The following PHACTR1 variants were observed in gnomAD, a reference collection of about 807,000 sequenced individuals.
PHACTR1 encodes RPEL repeat containing 1.
PHACTR1 carries 16 observed loss-of-function variants against 69.2 expected under a neutral mutation model. The observed-to-expected ratio is 0.23, with a 90% CI of 0.16 to 0.35. The LOEUF (loss-of-function observed/expected upper bound fraction) is 0.35. Ranked by LOEUF, PHACTR1 falls within the 10% of genes least tolerant of loss-of-function variation. PHACTR1 has a pLI of 1.00. For synonymous variants in PHACTR1, 312 were observed against 284.5 expected (o/e 1.10, Z -0.97); for missense variants, 510 against 734.7 (o/e 0.69, Z 3.54).
intron 4 of PHACTR1, among the ~76,000 whole-genome samples, chr6:12,917,159 G>A (rs1455676876): frequency 1.6e-4 from 24 of 152,190 alleles, no homozygotes; most frequent in Admixed American, 1.6e-3. Flanking sequence ...AATCAATGAT[G>A]TTTTCCATGG....
At chr6:13,182,767 T>A (rs1282652832) in intron 7 of PHACTR1, 81 bp downstream of exon 7, 2 of 1,389,042 alleles carry the variant, frequency 1.4e-6, no homozygotes, top group Non-Finnish European at 1.9e-6. Context: ...CTGGCTGGAC[T>A]TGGAATTCTA....
At chr6:12,984,886 A>G (rs1582830568) in intron 4 of PHACTR1, among the ~76,000 whole-genome samples, 1 of 152,252 alleles carries the variant, frequency 6.6e-6, no homozygotes, top group South Asian at 2.1e-4. Flanking sequence ...GGAGATTTTT[A>G]TAGCACATTC....
chr6:13,247,598 G>A (rs1293689994), intron 10 of PHACTR1, among the ~76,000 whole-genome samples: 1 of 152,052 alleles, frequency 6.6e-6, no homozygotes, highest in Non-Finnish European at 1.5e-5. Context: ...CGCCCGCCTT[G>A]GCCTCCCAAA....
chr6:12,728,484 A>G (rs1040870304), intron 3 of PHACTR1, among the ~76,000 whole-genome samples: 3 of 152,188 alleles, frequency 2.0e-5, no homozygotes, highest in African/African-American at 7.2e-5. Flanking sequence ...GCTTAAAAAT[A>G]TCATAGTGTT....
intron 4 of PHACTR1, among the ~76,000 whole-genome samples, chr6:12,902,378 A>T (rs993241885): frequency 1.3e-5 from 2 of 152,184 alleles, no homozygotes; most frequent in African/African-American, 4.8e-5. Flanking sequence ...ACCAGAGAGC[A>T]CACAACTGCA....
intron 4 of PHACTR1, among the ~76,000 whole-genome samples, chr6:12,921,204 C>T (rs1039063249): frequency 8.5e-5 from 13 of 152,190 alleles, no homozygotes; most frequent in Non-Finnish European, 4.4e-5. Context: ...GATCACACAA[C>T]TAGAAAGAAA....
At chr6:13,146,895 G>T (rs1428001679) in intron 5 of PHACTR1, among the ~76,000 whole-genome samples, 1 of 152,108 alleles carries the variant, frequency 6.6e-6, no homozygotes, top group African/African-American at 2.4e-5. Context: ...GTGAATTGTG[G>T]ATCTGAGCAC....
At chr6:12,972,235 T>C (rs976684062) in intron 4 of PHACTR1, among the ~76,000 whole-genome samples, 1 of 152,128 alleles carries the variant, frequency 6.6e-6, no homozygotes, top group Non-Finnish European at 1.5e-5. Context: ...AGAACCAGGA[T>C]TGGAACTCAG....
In PHACTR1 at chr6:13,015,453, A is replaced by G. The variant is rs1582973548; in HGVS notation, c.251-37912A>G. On this transcript the variant is annotated intron_variant, in intron 4 of 14. Transcript: ENST00000332995. ...CATGTGTTGGTTACTACATCAGCTG[A>G]TAACATCGAGACCTATGGAATACAA... Among the ~76,000 whole-genome samples, 4 of 152,312 alleles carry G rather than the reference A, an allele frequency of 2.6e-5. No homozygotes were observed. The South Asian group carries it at 8.3e-4, about 32-fold the overall frequency.
chr6:12,864,379 T>G (rs186053230), intron 4 of PHACTR1, among the ~76,000 whole-genome samples: 1 of 152,148 alleles, frequency 6.6e-6, no homozygotes, highest in Non-Finnish European at 1.5e-5. Context: ...GCGAACTCCA[T>G]GTAATTAAGA....
chr6:13,226,830 C>T (rs754863653), intron 8 of PHACTR1, among the ~76,000 whole-genome samples: 1 of 151,688 alleles, frequency 6.6e-6, no homozygotes, highest in Admixed American at 6.6e-5. Flanking sequence ...CTCTGCCTCC[C>T]AGGCTCAAGC....
At chr6:13,284,675 C>T (rs145999731) in intron 13 of PHACTR1, among the ~76,000 whole-genome samples, 4 of 150,108 alleles carry the variant, frequency 2.7e-5, no homozygotes, top group African/African-American at 9.9e-5. Context: ...CTCAACAGTC[C>T]TGCCTTCACT....
chr6:12,856,255 C>CTTTTTTTTTTTT (rs66541950), intron 4 of PHACTR1, among the ~76,000 whole-genome samples: 4 of 135,804 alleles, frequency 2.9e-5, no homozygotes, highest in African/African-American at 1.1e-4. Flanking sequence ...TTCTTTCTTT[C>CTTTTTTTTTTTT]TTTTTTTTTT....
chr6:13,060,410 G>C lies in PHACTR1; in HGVS notation c.415+6881G>C, dbSNP rs189326793. On this transcript the variant is annotated intron_variant, in intron 5 of 14. Transcript: ENST00000332995. The stretch of plus-strand genomic sequence containing the variant: ...TATGTGTGTCTATAGGGGGTTGTGT[G>C]TGTGTCTTCTGATTTGTCACCATTG... Among the ~76,000 whole-genome samples the C allele has an allele frequency of 1.1e-4, 17 of 152,300 alleles. No individual in the cohort carries two copies. In the East Asian group the frequency reaches 3.1e-3, roughly 28 times the overall value.
intron 5 of PHACTR1, among the ~76,000 whole-genome samples, chr6:13,061,643 A>G (rs1377205417): frequency 6.6e-6 from 1 of 152,222 alleles, no homozygotes; most frequent in Non-Finnish European, 1.5e-5. Flanking sequence ...TATTCAAAAC[A>G]CGGTAAATGA....
At chr6:12,762,567 G>A (rs933044113) in intron 4 of PHACTR1, among the ~76,000 whole-genome samples, 3 of 151,978 alleles carry the variant, frequency 2.0e-5, no homozygotes, top group South Asian at 2.1e-4. Flanking sequence ...AACCTATCAC[G>A]TAAGAAGTTC....
In PHACTR1 at chr6:13,006,896, A is replaced by G. The variant is rs1399774967; in HGVS notation, c.251-46469A>G. 4.6e-5 allele frequency among the ~76,000 whole-genome samples: 7 copies of G among 152,208 alleles called. No individual in the cohort carries two copies. In the East Asian group the frequency reaches 5.8e-4, roughly 13 times the overall value. ...CTTCAGTTATCTTTTATAGGTCAGA[A>G]TGGCCCCACTCACAAAGGGTTCTGG... is the stretch of plus-strand genomic sequence containing the variant. On this transcript the variant is annotated intron_variant, in intron 4 of 14. Transcript: ENST00000332995.
At chr6:13,031,081 G>A (rs1306031017) in intron 4 of PHACTR1, among the ~76,000 whole-genome samples, 2 of 152,126 alleles carry the variant, frequency 1.3e-5, no homozygotes, top group African/African-American at 2.4e-5. Context: ...ATTACCCCTG[G>A]TCCAGAACCA....
chr6:12,902,266 T>TA (rs1785282778), intron 4 of PHACTR1, among the ~76,000 whole-genome samples: 1 of 151,998 alleles, frequency 6.6e-6, no homozygotes, highest in South Asian at 2.1e-4. Flanking sequence ...CTATTAAAAA[T>TA]ACAAAAATTA....
Sources: allele counts gnomAD v4.1 joint callset (sites outside exome capture counted in the v4.1 genomes callset), GRCh38; gene constraint gnomAD v4.1.1; transcripts MANE v1.5; gene names NCBI Gene and HGNC (gene_info 2026-07-23, HGNC 2026-07-21).